SLC39A11: variants seen among roughly 807,000 people sequenced by gnomAD.
The protein encoded by SLC39A11 is zinc transporter ZIP11.
SLC39A11 carries 33 observed loss-of-function variants against 36.1 expected under a neutral mutation model. That is an observed-to-expected ratio of 0.91 (90% CI 0.69 to 1.22). The LOEUF (loss-of-function observed/expected upper bound fraction) is 1.22, where lower values mean the gene tolerates loss of function less well. SLC39A11 is among the 50% of genes most tolerant of loss of function. The pLI is 0.00. For synonymous variants in SLC39A11, 166 were observed against 170.3 expected, an observed-to-expected ratio of 0.97 and a Z score of 0.20; for missense variants, 432 against 430.3, an observed-to-expected ratio of 1.00 and a Z score of -0.03.
intron 3 of SLC39A11, among the ~76,000 whole-genome samples, chr17:73,063,302 T>G (rs1464891599): frequency 1.3e-5 from 2 of 151,080 alleles, no homozygotes; most frequent in African/African-American, 4.9e-5. Flanking sequence ...CCATTCTCAC[T>G]GGGATATACA....
At chr17:72,974,933 CAT>C (rs1290826700) in intron 4 of SLC39A11, among the ~76,000 whole-genome samples, 3 of 152,226 alleles carry the variant, frequency 2.0e-5, no homozygotes, top group East Asian at 3.9e-4. Context: ...AACACAGTAA[CAT>C]ACTATACAGG....
Position 72,822,315 on chromosome 17 carries a change from A to AAT in SLC39A11, c.601+27317_601+27318dup, listed in dbSNP as rs71354895. Among the ~76,000 whole-genome samples the AAT allele has an allele frequency of 3.1e-4, 45 of 146,440 alleles. 1 individual carries two copies. The highest frequency in any genetic ancestry group is 4.2e-4 in the African/African-American group (17 of 40,476). ...ATATATAATATATATAGAGAGATATAATATATATATAGAGAGAGAGAGAGA... is the reference window on the plus strand; with the variant it reads ...ATATATAATATATATAGAGAGATATAATATATATATATAGAGAGAGAGAGAGA... On this transcript the variant is annotated intron_variant, in intron 6 of 9. Coordinates refer to ENST00000255559, the MANE Select transcript of SLC39A11 (RefSeq NM_139177.4).
intron 5 of SLC39A11, among the ~76,000 whole-genome samples, chr17:72,920,048 G>A (rs1408677031): frequency 6.6e-6 from 1 of 152,118 alleles, no homozygotes; most frequent in Non-Finnish European, 1.5e-5. Flanking sequence ...AGATTCGGCT[G>A]GTGTGGCCGT....
chr17:72,965,077 G>C (rs1187542476), intron 4 of SLC39A11, among the ~76,000 whole-genome samples: 3 of 143,484 alleles, frequency 2.1e-5, no homozygotes, highest in African/African-American at 7.6e-5. Context: ...ACAGGAAGGG[G>C]AACATCACCG....
intron 3 of SLC39A11, among the ~76,000 whole-genome samples, chr17:73,045,903 C>A (rs2059271616): frequency 6.6e-6 from 1 of 152,194 alleles, no homozygotes; most frequent in Non-Finnish European, 1.5e-5. Context: ...ACTCAGCCAC[C>A]AACCCATCAG....
At chr17:72,746,172 G>A (rs2074926726) in intron 6 of SLC39A11, among the ~76,000 whole-genome samples, 1 of 152,154 alleles carries the variant, frequency 6.6e-6, no homozygotes, top group African/African-American at 2.4e-5. Context: ...GAGAGAAGGT[G>A]GGTTAGGAAG....
At chr17:72,947,077 T>C (rs2085477550) in intron 5 of SLC39A11, among the ~76,000 whole-genome samples, 1 of 152,146 alleles carries the variant, frequency 6.6e-6, no homozygotes. Context: ...TTCCAGCACT[T>C]TGGGAAGCCG....
chr17:72,882,228 C>T (rs1033903912), intron 5 of SLC39A11, among the ~76,000 whole-genome samples: 1 of 152,032 alleles, frequency 6.6e-6, no homozygotes, highest in Non-Finnish European at 1.5e-5. Flanking sequence ...TGGTGGTGCA[C>T]GTCTGTAGTC....
intron 5 of SLC39A11, among the ~76,000 whole-genome samples, chr17:72,851,677 A>C (rs544536900): frequency 1.1e-4 from 17 of 152,298 alleles, no homozygotes; most frequent in African/African-American, 4.1e-4. Flanking sequence ...TCAACCAATC[A>C]CAGGCAGCCA....
intron 4 of SLC39A11, among the ~76,000 whole-genome samples, chr17:73,004,221 A>AAGAG (rs1568105990): frequency 2.2e-5 from 2 of 92,792 alleles, no homozygotes; most frequent in African/African-American, 4.7e-5. Flanking sequence ...GAAAGAAAGA[A>AAGAG]AGAAAGAAAG....
In SLC39A11 at chr17:72,859,115, T is replaced by C. The variant is rs2079816879; in HGVS notation, c.431-9311A>G. On this transcript the variant is annotated intron_variant, in intron 5 of 9. Transcript: ENST00000255559. Reference sequence around the variant, plus strand: ...GCTTCCACCTTTTCCCCATTCAGCATGACAAGCATCACTCTTTTCAAAAGA... The same window carrying C: ...GCTTCCACCTTTTCCCCATTCAGCACGACAAGCATCACTCTTTTCAAAAGA... Among the ~76,000 whole-genome samples, 4 of 152,232 alleles carry C rather than the reference T, an allele frequency of 2.6e-5. No homozygotes were observed. In the South Asian group the frequency reaches 6.2e-4, roughly 24 times the overall value.
At chr17:72,831,563 C>A (rs2078287061) in intron 6 of SLC39A11, among the ~76,000 whole-genome samples, 1 of 152,166 alleles carries the variant, frequency 6.6e-6, no homozygotes, top group Admixed American at 6.5e-5. Context: ...CAAAATAAGA[C>A]AGGAATTATA....
intron 7 of SLC39A11, among the ~76,000 whole-genome samples, chr17:72,710,723 T>C (rs1363708541): frequency 6.6e-6 from 1 of 152,258 alleles, no homozygotes; most frequent in Non-Finnish European, 1.5e-5. Context: ...GTTGATTTTA[T>C]TTCCAAGAAG....
intron 6 of SLC39A11, among the ~76,000 whole-genome samples, chr17:72,848,460 C>G (rs1338405641): frequency 6.6e-6 from 1 of 152,296 alleles, no homozygotes; most frequent in South Asian, 2.1e-4. Context: ...TAGCTCACGC[C>G]TGTAGTCCCA....
intron 6 of SLC39A11, among the ~76,000 whole-genome samples, chr17:72,750,348 G>A (rs1276376963): frequency 6.6e-6 from 1 of 151,314 alleles, no homozygotes; most frequent in Non-Finnish European, 1.5e-5. Flanking sequence ...CCTGTGATTG[G>A]AGCCTCACCC....
intron 5 of SLC39A11, among the ~76,000 whole-genome samples, chr17:72,911,557 C>T (rs939735474): frequency 1.3e-5 from 2 of 152,130 alleles, no homozygotes; most frequent in African/African-American, 4.8e-5. Context: ...TCAGCCTCCT[C>T]GTTCTCCTTC....
intron 6 of SLC39A11, among the ~76,000 whole-genome samples, chr17:72,834,633 C>A (rs375639853): frequency 1.3e-5 from 2 of 148,208 alleles, no homozygotes; most frequent in African/African-American, 2.5e-5. Flanking sequence ...ATAAACAAAA[C>A]AATAAAATAA....
At position 72,914,321 on chromosome 17, in the gene SLC39A11, A is replaced by G. The variant is rs564873313; in HGVS notation, c.430+33431T>C. ...ACAGAGCGAGACTCCATCTCGGGGG[A>G]AAAAAAAAAGAAAAAAGAATACAAA... is the stretch of plus-strand genomic sequence containing the variant. On this transcript the variant is annotated intron_variant, in intron 5 of 9. Transcript: ENST00000255559. Among the ~76,000 whole-genome samples, 33 of 107,432 alleles carry G rather than the reference A, an allele frequency of 3.1e-4. No homozygotes were observed. In the East Asian group the frequency reaches 3.3e-3, roughly 11 times the overall value. The allele number at this position is 107,432 out of a possible 152,430, so 70.5% of individuals were successfully genotyped here.
chr17:72,901,083 T>C (rs1332907659), intron 5 of SLC39A11, among the ~76,000 whole-genome samples: 1 of 152,078 alleles, frequency 6.6e-6, no homozygotes, highest in Non-Finnish European at 1.5e-5. Context: ...AGCAATGCTG[T>C]TAAACTGAAA....
Sources: allele counts gnomAD v4.1 joint callset (sites outside exome capture counted in the v4.1 genomes callset), GRCh38; gene constraint gnomAD v4.1.1; transcripts MANE v1.5; gene names NCBI Gene and HGNC (gene_info 2026-07-23, HGNC 2026-07-21).